MYO3A: variants seen among roughly 807,000 people sequenced by gnomAD.
MYO3A encodes the protein myosin IIIA, also known as myosin-IIIa.
In MYO3A, 180 loss-of-function variants were observed where a neutral mutation model predicts 192.7. The observed-to-expected ratio is 0.93, with a 90% CI of 0.83 to 1.06. The LOEUF (loss-of-function observed/expected upper bound fraction) is 1.06. Among genes scored for constraint, MYO3A ranks in the 50% least tolerant of loss-of-function variants. MYO3A has a pLI of 0.00. For missense variants in MYO3A, 1,896 were observed against 1,905.0 expected (o/e 1.00, Z 0.09); for synonymous variants, 628 against 645.3 (o/e 0.97, Z 0.41).
At chr10:25,966,690 G>A (rs115018972) in intron 4 of MYO3A, among the ~76,000 whole-genome samples, 2 of 152,238 alleles carry the variant, frequency 1.3e-5, no homozygotes, top group African/African-American at 4.8e-5. Context: ...TGCAAGAATG[G>A]TGTCTTGGAA....
At chr10:26,045,374 A>ATAGATAGG (rs1843581503) in intron 10 of MYO3A, among the ~76,000 whole-genome samples, 3 of 77,108 alleles carry the variant, frequency 3.9e-5, no homozygotes, top group Non-Finnish European at 9.0e-5. Context: ...CATTAGATAG[A>ATAGATAGG]TAGATAGATA....
At chr10:26,163,412 C>G (rs1018364024) in intron 26 of MYO3A, among the ~76,000 whole-genome samples, 3 of 152,048 alleles carry the variant, frequency 2.0e-5, no homozygotes, top group African/African-American at 7.2e-5. Flanking sequence ...TGGGGCAGGG[C>G]AGGGGAGTGA....
At chr10:25,958,592 T>C (rs931250976) in intron 4 of MYO3A, among the ~76,000 whole-genome samples, 4 of 152,210 alleles carry the variant, frequency 2.6e-5, no homozygotes, top group Admixed American at 1.3e-4. Flanking sequence ...TGGTTCCACA[T>C]GAATTTTAAA....
At chr10:26,006,150 GAAGGCAGAAATA>G (rs1841188392) in intron 6 of MYO3A, among the ~76,000 whole-genome samples, 4 of 152,124 alleles carry the variant, frequency 2.6e-5, no homozygotes, top group African/African-American at 7.2e-5. Flanking sequence ...ATAACGAAAT[GAAGGCAGAAATA>G]AAGATGTTCT....
chr10:26,135,577 G>A (rs1025521799), intron 20 of MYO3A, among the ~76,000 whole-genome samples: 1 of 152,002 alleles, frequency 6.6e-6, no homozygotes, highest in Non-Finnish European at 1.5e-5. Context: ...AGAACTAGAA[G>A]GTGGAACAAC....
intron 4 of MYO3A, 96 bp downstream of exon 4, chr10:25,955,104 C>T: frequency 2.0e-6 from 3 of 1,507,832 alleles, no homozygotes; most frequent in Non-Finnish European, 2.8e-6. Flanking sequence ...ATCATAAAAA[C>T]AGTTCTGATA....
chr10:26,171,640 G>A (rs1842052253), intron 29 of MYO3A, among the ~76,000 whole-genome samples: 1 of 152,112 alleles, frequency 6.6e-6, no homozygotes, highest in African/African-American at 2.4e-5. Flanking sequence ...CTTTGCTTGT[G>A]AGGATCCAAA....
At chr10:25,939,680 G>A (rs546905103) in intron 2 of MYO3A, among the ~76,000 whole-genome samples, 137 of 151,882 alleles carry the variant, frequency 9.0e-4, no homozygotes, top group African/African-American at 3.2e-3. Context: ...CGTGCTCAGA[G>A]AGTGTATCTA....
At chr10:26,182,967 T>C (rs1842681068) in intron 31 of MYO3A, among the ~76,000 whole-genome samples, 1 of 152,066 alleles carries the variant, frequency 6.6e-6, no homozygotes, top group African/African-American at 2.4e-5. Flanking sequence ...GGCAGGTGTG[T>C]GTGTAATCTA....
In MYO3A at chr10:26,166,103, C is replaced by G. The variant is rs1337671099; in HGVS notation, c.3036C>G (p.Pro1012=). 2 of 1,614,000 alleles carry G rather than the reference C, an allele frequency of 1.2e-6. No individual in the cohort carries two copies. The highest frequency in any genetic ancestry group is 2.7e-5 in the African/African-American group (2 of 74,926). The change falls in exon 27 of 35, where the codon CCC becomes CCG. Residue 1012 remains proline (P), a synonymous_variant. Transcript: ENST00000642920. The part of the protein sequence containing the change: ...YLLCYKSSEE[P]RMSPDTCATI... ...TCTGCTACAAGTCGAGCGAGGAGCC[C>G]CGCATGAGCCCTGACACCTGTGCCA... is the stretch of plus-strand genomic sequence containing the variant.
intron 10 of MYO3A, among the ~76,000 whole-genome samples, chr10:26,053,139 A>C (rs1191792847): frequency 6.6e-6 from 1 of 152,158 alleles, no homozygotes. Context: ...TATAAAACGA[A>C]GGCAAAAGGC....
At chr10:26,135,384 A>G (rs895513008) in intron 20 of MYO3A, among the ~76,000 whole-genome samples, 1 of 151,892 alleles carries the variant, frequency 6.6e-6, no homozygotes, top group Admixed American at 6.6e-5. Context: ...TAATTATTAG[A>G]TTATTTCTGT....
chr10:26,017,821 G>A (rs1031149001), intron 7 of MYO3A, among the ~76,000 whole-genome samples: 4 of 151,226 alleles, frequency 2.6e-5, no homozygotes, highest in Non-Finnish European at 5.9e-5. Flanking sequence ...AGTCATAGAA[G>A]CAAAAACAAA....
At chr10:26,116,921 C>T (rs1418307025) in intron 17 of MYO3A, among the ~76,000 whole-genome samples, 5 of 152,166 alleles carry the variant, frequency 3.3e-5, no homozygotes, top group African/African-American at 1.2e-4. Flanking sequence ...TTACTCCTTT[C>T]CCCACAATTG....
At chr10:26,136,340 T>A (rs922792416) in intron 20 of MYO3A, among the ~76,000 whole-genome samples, 1 of 152,232 alleles carries the variant, frequency 6.6e-6, no homozygotes, top group Non-Finnish European at 1.5e-5. Context: ...TCTACAACTG[T>A]GGAGCAGTGT....
rs74372343 is a variant in MYO3A at position 26,147,614 on chromosome 10, A to G, written c.2635+55A>G. On this transcript the variant is annotated intron_variant, in intron 23 of 34. Transcript: ENST00000642920. ...TCTGAAGCCCAATCAAATAGTTTCT[A>G]TCTCTGCGCTTTTCACTAATTTCAT... is the stretch of plus-strand genomic sequence containing the variant. 1,354 of 1,610,936 alleles carry G rather than the reference A, an allele frequency of 8.4e-4. 14 individuals are homozygous for G. The African/African-American group carries it at 0.016, about 18-fold the overall frequency.
Position 26,145,634 on chromosome 10 carries a change from A to G in MYO3A, c.2505+100A>G, listed in dbSNP as rs1320312729. The G allele has an allele frequency of 2.5e-5, 23 of 932,370 alleles. No homozygotes were observed. In the East Asian group the frequency reaches 5.7e-4, roughly 23 times the overall value. 57.8% of individuals were successfully genotyped at this position (932,370 alleles called of 1,614,324 possible). A position where few individuals can be genotyped will look rare whatever the true frequency, so the allele number is the denominator to read the frequency against. ...TGGCCCAAAATGTTTATAGATAATG[A>G]TAATGTCATAGCTGTCTGTTTCCGC... On this transcript the variant is annotated intron_variant, in intron 22 of 34. Coordinates refer to ENST00000642920, the MANE Select transcript of MYO3A (RefSeq NM_017433.5).
chr10:26,150,949 A>G (rs1415881416), intron 23 of MYO3A, among the ~76,000 whole-genome samples: 2 of 152,276 alleles, frequency 1.3e-5, no homozygotes, highest in South Asian at 4.1e-4. Context: ...TGGGTTATTT[A>G]TAAGAGTTTA....
intron 10 of MYO3A, among the ~76,000 whole-genome samples, chr10:26,063,491 G>A (rs1286731219): frequency 6.6e-6 from 1 of 152,166 alleles, no homozygotes; most frequent in Admixed American, 6.5e-5. Flanking sequence ...TGAAAGGTCA[G>A]TGTCTTGAGT....
Sources: gnomAD v4.1 joint callset for allele counts (sites outside exome capture counted in the v4.1 genomes callset) on GRCh38, gnomAD v4.1.1 for gene constraint, MANE v1.5 for transcripts, NCBI Gene and HGNC (gene_info 2026-07-23, HGNC 2026-07-21) for gene names.